Variants in ZNF652 observed in about 807,000 individuals in gnomAD.
ZNF652 encodes zinc finger protein 652.
A neutral mutation model predicts 45.2 loss-of-function variants in ZNF652; 16 were observed. The ratio of observed to expected loss-of-function variants is 0.35; its 90% CI spans 0.24 to 0.54. The LOEUF is 0.54. Ranked by LOEUF, ZNF652 falls within the 20% of genes least tolerant of loss-of-function variation. ZNF652 has a pLI of 0.91. For synonymous variants in ZNF652, 250 were observed against 260.6 expected (o/e 0.96, Z 0.39); for missense variants, 614 against 765.6 (o/e 0.80, Z 2.34).
In ZNF652 at chr17:49,298,385, C is replaced by G. The variant is rs200335508; in HGVS notation, c.*28G>C. ...CACGCTCACACATGGGGACGTGTCT[C>G]CTGGAGAACACACTAAGGAGACGGA... On this transcript the variant is annotated 3_prime_UTR_variant, in exon 6 of 6. Coordinates refer to ENST00000430262, the MANE Select transcript of ZNF652 (RefSeq NM_001145365.3). 6.2e-7 allele frequency: 1 copy of G among 1,611,606 alleles called. No individual in the cohort carries two copies. The highest frequency in any genetic ancestry group is 2.2e-5 in the East Asian group (1 of 44,852).
chr17:49,332,512 A>C (rs1376984226), intron 1 of ZNF652, among the ~76,000 whole-genome samples: 4 of 152,126 alleles, frequency 2.6e-5, no homozygotes, highest in Non-Finnish European at 5.9e-5. Flanking sequence ...TCCCAAAAGG[A>C]ACACACACAA....
At chr17:49,335,544 A>G (rs2070071223) in intron 1 of ZNF652, among the ~76,000 whole-genome samples, 1 of 151,418 alleles carries the variant, frequency 6.6e-6, no homozygotes, top group Non-Finnish European at 1.5e-5. Context: ...ACCCCACCCT[A>G]CCCCACCATG....
chr17:49,316,740 C>A, intron 2 of ZNF652, 86 bp downstream of exon 2: 2 of 1,372,750 alleles, frequency 1.5e-6, no homozygotes, highest in Admixed American at 2.2e-5. Flanking sequence ...GCCTCTATTG[C>A]ATTTATTCTC....
intron 1 of ZNF652, among the ~76,000 whole-genome samples, chr17:49,323,590 T>C (rs1484075631): frequency 6.6e-6 from 1 of 152,208 alleles, no homozygotes; most frequent in Non-Finnish European, 1.5e-5. Context: ...AATCACTATC[T>C]ATGGCAGCTA....
At chr17:49,312,668 T>C in intron 3 of ZNF652, 30 bp downstream of exon 3, 5 of 1,603,482 alleles carry the variant, frequency 3.1e-6, no homozygotes, top group Middle Eastern at 1.9e-4. Context: ...GGGAAAATTA[T>C]AGGTATAAGA....
chr17:49,338,224 C>T (rs1474647846), intron 1 of ZNF652, among the ~76,000 whole-genome samples: 3 of 151,574 alleles, frequency 2.0e-5, no homozygotes, highest in Admixed American at 2.0e-4. Flanking sequence ...TTGCCTCAAG[C>T]GATCCTCCTG....
At chr17:49,345,163 G>A (rs780854291) in intron 1 of ZNF652, among the ~76,000 whole-genome samples, 1 of 151,776 alleles carries the variant, frequency 6.6e-6, no homozygotes, top group African/African-American at 2.4e-5. Context: ...TTTTGGAAGG[G>A]GCAGTGAGGG....
rs1454828289 is a variant in ZNF652 at position 49,290,450 on chromosome 17, G to A, written c.*7963C>T. ...TGGTCAGGAGGAAGTGCCTGACCTAGAGGACTTGTTCCCTGATGTAACAGA... is the reference window on the plus strand; with the variant it reads ...TGGTCAGGAGGAAGTGCCTGACCTAAAGGACTTGTTCCCTGATGTAACAGA... On this transcript the variant is annotated 3_prime_UTR_variant, in exon 6 of 6. Coordinates refer to ENST00000430262, the MANE Select transcript of ZNF652 (RefSeq NM_001145365.3). 2.0e-5 allele frequency: 3 copies of A among 152,262 alleles called. No homozygotes were observed. Among genetic ancestry groups the A allele is most frequent in the African/African-American group, 7.2e-5 (3 of 41,458 alleles). 9.4% of individuals were successfully genotyped at this position (152,262 alleles called of 1,614,324 possible). A position where few individuals can be genotyped will look rare whatever the true frequency, so the allele number is the denominator to read the frequency against.
chr17:49,345,263 C>T (rs906741775), intron 1 of ZNF652, among the ~76,000 whole-genome samples: 3 of 145,316 alleles, frequency 2.1e-5, no homozygotes, highest in East Asian at 2.1e-4. Context: ...AGGGCAGTGG[C>T]GCAATCTCGG....
intron 1 of ZNF652, among the ~76,000 whole-genome samples, chr17:49,318,638 C>A (rs549251826): frequency 6.6e-6 from 1 of 152,142 alleles, no homozygotes; most frequent in Non-Finnish European, 1.5e-5. Flanking sequence ...GCTGATATGG[C>A]AAAATATACG....
rs533899692 is a variant in ZNF652 at position 49,317,613 on chromosome 17, T to C, written c.113A>G (p.His38Arg). 3.1e-6 allele frequency: 5 copies of C among 1,614,124 alleles called. No individual in the cohort carries two copies. Among genetic ancestry groups the C allele is most frequent in the African/African-American group, 1.3e-5 (1 of 75,034 alleles). The change falls in exon 2 of 6, where the codon CAT becomes CGT. Residue 38 changes from histidine (H) to arginine (R), a missense_variant. Physicochemically the swap from His to Arg is conservative, Grantham distance 29. Around this residue, in one of 5 missense-constraint regions of ZNF652, gnomAD observed 133 missense variants for 132.2 expected, o/e 1.01. Transcript: ENST00000430262. Reference protein sequence around the residue: ...RRGQVPSSFYHGANQELDLST... With the variant: ...RRGQVPSSFYRGANQELDLST... ...CAGGTCAAGTTCTTGGTTGGCACCA[T>C]GATAAAAGGAAGATGGCACTTGACC... is the stretch of plus-strand genomic sequence containing the variant.
rs768278870 is a variant in ZNF652, at chr17:49,294,963, G to A, written c.*3450C>T. Reference sequence around the variant, plus strand: ...TATGGAAGAGAACATACCACATAATGCAACTTTTATCTTACAAAGAGGACC... The same window carrying A: ...TATGGAAGAGAACATACCACATAATACAACTTTTATCTTACAAAGAGGACC... On this transcript the variant is annotated 3_prime_UTR_variant, in exon 6 of 6. Coordinates refer to ENST00000430262, the MANE Select transcript of ZNF652 (RefSeq NM_001145365.3). 7.9e-5 allele frequency: 12 copies of A among 152,148 alleles called. No individual in the cohort carries two copies. Among genetic ancestry groups the A allele is most frequent in the Non-Finnish European group, 1.5e-4 (10 of 68,026 alleles). The allele number at this position is 152,148 out of a possible 1,614,324, so 9.4% of individuals were successfully genotyped here.
At chr17:49,344,381 A>G (rs1188127977) in intron 1 of ZNF652, among the ~76,000 whole-genome samples, 1 of 151,818 alleles carries the variant, frequency 6.6e-6, no homozygotes, top group African/African-American at 2.4e-5. Context: ...CAAGAAAAAA[A>G]AATTTATTCC....
chr17:49,308,546 A>G (rs2069663617), intron 5 of ZNF652, among the ~76,000 whole-genome samples: 1 of 152,194 alleles, frequency 6.6e-6, no homozygotes, highest in Admixed American at 6.5e-5. Flanking sequence ...TCATGCCTGT[A>G]ATCCTAGCAC....
intron 5 of ZNF652, among the ~76,000 whole-genome samples, chr17:49,301,445 G>C (rs558423831): frequency 6.6e-6 from 1 of 152,038 alleles, no homozygotes; most frequent in African/African-American, 2.4e-5. Context: ...TTACAGGCAT[G>C]TGCCACCACA....
intron 1 of ZNF652, among the ~76,000 whole-genome samples, chr17:49,336,760 G>A (rs974359545): frequency 2.6e-5 from 4 of 151,476 alleles, no homozygotes; most frequent in African/African-American, 4.9e-5. Flanking sequence ...CTGAGTTGCC[G>A]GGATTACAGG....
intron 1 of ZNF652, among the ~76,000 whole-genome samples, chr17:49,336,323 CT>C (rs771233496): frequency 0.055 from 6,755 of 123,490 alleles, 190 homozygotes; most frequent in Middle Eastern, 0.13. Flanking sequence ...ATGCCCAGCC[CT>C]TTTTTTTTTT....
chr17:49,314,528 T>C (rs1386069665), intron 2 of ZNF652, among the ~76,000 whole-genome samples: 1 of 152,126 alleles, frequency 6.6e-6, no homozygotes, highest in African/African-American at 2.4e-5. Context: ...AGCCTATACC[T>C]TTTCCCTTAC....
At chr17:49,345,985 T>C (rs1408231780) in intron 1 of ZNF652, among the ~76,000 whole-genome samples, 2 of 151,988 alleles carry the variant, frequency 1.3e-5, no homozygotes, top group African/African-American at 4.8e-5. Context: ...AGCCTCAAAA[T>C]ATCAGACTTT....
Sources: gnomAD v4.1 joint callset for allele counts (sites outside exome capture counted in the v4.1 genomes callset) on GRCh38, gnomAD v4.1.1 for gene constraint, gnomAD v4.1.1 regional missense constraint, MANE v1.5 for transcripts, NCBI Gene and HGNC (gene_info 2026-07-23, HGNC 2026-07-21) for gene names.